The following CXADR variants were observed in gnomAD, a reference collection of about 807,000 sequenced individuals.
CXADR encodes coxsackievirus and adenovirus receptor.
Under a neutral mutation model 40.3 loss-of-function variants are expected in CXADR, and 20 were observed. That is an observed-to-expected ratio of 0.50 (90% CI 0.35 to 0.72). CXADR has a LOEUF of 0.72. CXADR is among the 30% of genes least tolerant of loss of function. CXADR has a pLI of 0.01. For synonymous variants in CXADR, 150 were observed against 161.3 expected, an observed-to-expected ratio of 0.93 and a Z score of 0.53; for missense variants, 332 against 449.1, an observed-to-expected ratio of 0.74 and a Z score of 2.36.
the CXADR span, among the ~76,000 whole-genome samples, chr21:17,600,018 C>T: frequency 2.6e-5 from 4 of 152,116 alleles, no homozygotes; most frequent in Non-Finnish European, 5.9e-5. Context: ...GATAACTACT[C>T]ACCTCTCATC....
chr21:17,620,983 T>C, the CXADR span, among the ~76,000 whole-genome samples: 1 of 152,244 alleles, frequency 6.6e-6, no homozygotes, highest in Non-Finnish European at 1.5e-5. Context: ...TTTTATGTTA[T>C]GGTTTTGAGG....
chr21:17,594,811 A>G (rs142426334), downstream of CXADR, among the ~76,000 whole-genome samples: 2 of 152,066 alleles, frequency 1.3e-5, no homozygotes, highest in Non-Finnish European at 2.9e-5. Context: ...TATGAACACA[A>G]AGAAGGAAAC....
intron 3 of CXADR, among the ~76,000 whole-genome samples, chr21:17,555,765 TGGG>T (rs2061026536): frequency 6.6e-6 from 1 of 152,192 alleles, no homozygotes; most frequent in Non-Finnish European, 1.5e-5. Flanking sequence ...AAAAATGTCT[TGGG>T]GGAGCTACTT....
downstream of CXADR, among the ~76,000 whole-genome samples, chr21:17,574,806 A>T (rs913000384): frequency 6.6e-5 from 10 of 152,138 alleles, no homozygotes; most frequent in Non-Finnish European, 4.4e-5. Context: ...GAAGTTTGTT[A>T]GATATGCAAA....
chr21:17,590,972 C>A (rs2061430793), intron 7 of CXADR, among the ~76,000 whole-genome samples: 1 of 152,014 alleles, frequency 6.6e-6, no homozygotes, highest in Non-Finnish European at 1.5e-5. Flanking sequence ...TAACAAGAAA[C>A]TTGGCCAAAG....
At chr21:17,579,895 AC>A (rs200071063) in intron 7 of CXADR, among the ~76,000 whole-genome samples, 2 of 151,640 alleles carry the variant, frequency 1.3e-5, no homozygotes, top group South Asian at 2.1e-4. Flanking sequence ...AAAAAAAAAA[AC>A]AACCTTTCCT....
intron 1 of CXADR, among the ~76,000 whole-genome samples, chr21:17,533,680 A>T (rs2060706889): frequency 1.3e-5 from 2 of 151,870 alleles, no homozygotes. Flanking sequence ...TGTCATAAGC[A>T]CTCAGTAACT....
downstream of CXADR, chr21:17,593,897 T>A (rs1313843917): frequency 1.2e-5 from 8 of 688,768 alleles, no homozygotes; most frequent in Non-Finnish European, 1.8e-5. Flanking sequence ...TTTAATAAAA[T>A]TTCTCAAACT....
At chr21:17,530,416 T>A (rs1472177019) in intron 1 of CXADR, 1 of 456,402 alleles carries the variant, frequency 2.2e-6, no homozygotes, top group African/African-American at 2.0e-5. Flanking sequence ...TTTGTTTTAT[T>A]CATTTGCATT....
chr21:17,605,969 A>G, the CXADR span, among the ~76,000 whole-genome samples: 3 of 152,204 alleles, frequency 2.0e-5, no homozygotes, highest in Non-Finnish European at 4.4e-5. Context: ...GTAAAATACA[A>G]TGATATAAAG....
At chr21:17,563,192 G>A (rs2061147828) in intron 6 of CXADR, among the ~76,000 whole-genome samples, 1 of 152,150 alleles carries the variant, frequency 6.6e-6, no homozygotes, top group Non-Finnish European at 1.5e-5. Flanking sequence ...AGAGAGCCTT[G>A]CTGATGATTG....
intron 7 of CXADR, among the ~76,000 whole-genome samples, chr21:17,583,633 G>A (rs1188901001): frequency 2.0e-5 from 3 of 152,082 alleles, no homozygotes; most frequent in African/African-American, 7.2e-5. Context: ...GCTCCCCCTG[G>A]TATCAGTGAA....
intron 1 of CXADR, among the ~76,000 whole-genome samples, chr21:17,545,203 T>TTGTCAGAG (rs2060881019): frequency 1.3e-5 from 2 of 150,140 alleles, no homozygotes; most frequent in South Asian, 4.2e-4. Context: ...GCTCTGAAGG[T>TTGTCAGAG]TGTCAGAGTC....
the CXADR span, chr21:17,604,169 C>T: frequency 4.7e-6 from 6 of 1,275,072 alleles, no homozygotes; most frequent in Admixed American, 2.7e-5. Context: ...GGAGGCCGGG[C>T]GCAGTGGCTC....
At chr21:17,524,575 C>CAAAAAA (rs71189539) in intron 1 of CXADR, among the ~76,000 whole-genome samples, 1 of 43,836 alleles carries the variant, frequency 2.3e-5, no homozygotes, top group African/African-American at 9.8e-5. Flanking sequence ...GACTCTATCT[C>CAAAAAA]AAAAAAAAAA....
At chr21:17,634,740 T>A in the CXADR span, among the ~76,000 whole-genome samples, 1 of 152,184 alleles carries the variant, frequency 6.6e-6, no homozygotes, top group East Asian at 1.9e-4. Context: ...CAAACTTTAA[T>A]TTTTAATTTT....
At chr21:17,623,783 C>T in the CXADR span, among the ~76,000 whole-genome samples, 1 of 152,138 alleles carries the variant, frequency 6.6e-6, no homozygotes, top group Non-Finnish European at 1.5e-5. Context: ...ATTTTGGAGT[C>T]AACAATGACA....
At chr21:17,598,708 T>C in the CXADR span, 1 of 1,614,152 alleles carries the variant, frequency 6.2e-7, no homozygotes, top group Non-Finnish European at 8.5e-7. Context: ...GGATCCTGAA[T>C]GATAATCAGA....
chr21:17,563,948 A>G (rs1051683904), intron 6 of CXADR, among the ~76,000 whole-genome samples: 2 of 147,676 alleles, frequency 1.4e-5, no homozygotes, highest in Admixed American at 1.4e-4. Flanking sequence ...CTCAAAAAAA[A>G]AAAAAAAAAA....
Sources: allele counts gnomAD v4.1 joint callset (sites outside exome capture counted in the v4.1 genomes callset), GRCh38; gene constraint gnomAD v4.1.1; transcripts MANE v1.5; gene names NCBI Gene and HGNC (gene_info 2026-07-23, HGNC 2026-07-21).